DCT: variants seen among roughly 807,000 people sequenced by gnomAD.
The protein encoded by DCT is L-dopachrome tautomerase.
Under a neutral mutation model 53.0 loss-of-function variants are expected in DCT, and 47 were observed. The observed-to-expected ratio is 0.89, with a 90% CI of 0.70 to 1.13. DCT has a LOEUF of 1.13. DCT is among the 50% of genes most tolerant of loss of function. The pLI, the probability that DCT is intolerant of heterozygous loss-of-function variation, is 0.00. For missense variants in DCT, 669 were observed against 637.4 expected, an observed-to-expected ratio of 1.05 and a Z score of -0.53; for synonymous variants, 244 against 237.0, an observed-to-expected ratio of 1.03 and a Z score of -0.27.
chr13:94,493,022 C>G, the DCT span, among the ~76,000 whole-genome samples: 3 of 152,208 alleles, frequency 2.0e-5, no homozygotes, highest in Admixed American at 2.0e-4. Context: ...GCACCCAAGG[C>G]ATCCATTGTG....
At chr13:94,514,811 G>A in the DCT span, among the ~76,000 whole-genome samples, 4 of 152,212 alleles carry the variant, frequency 2.6e-5, no homozygotes, top group Admixed American at 2.0e-4. Flanking sequence ...GAGCTCGGCA[G>A]ATGTAGCATA....
chr13:94,455,301 G>A (rs2139309360), intron 6 of DCT, among the ~76,000 whole-genome samples: 1 of 152,144 alleles, frequency 6.6e-6, no homozygotes, highest in Non-Finnish European at 1.5e-5. Context: ...AGGATCACTT[G>A]AGCCCAGAAG....
At chr13:94,467,922 G>T (rs1346855510) in intron 2 of DCT, 1 of 152,008 alleles carries the variant, frequency 6.6e-6, no homozygotes, top group East Asian at 1.9e-4. Context: ...AAGCCCTCCT[G>T]GAATACATTG....
At chr13:94,518,108 GGGAAGGAAGGAA>G in the DCT span, among the ~76,000 whole-genome samples, 2,425 of 125,228 alleles carry the variant, frequency 0.019, 77 homozygotes, top group African/African-American at 0.067. Flanking sequence ...GGGAAACGAA[GGGAAGGAAGGAA>G]GGAAGGAAGG....
intron 6 of DCT, among the ~76,000 whole-genome samples, chr13:94,457,892 C>T (rs973132470): frequency 5.3e-5 from 8 of 152,158 alleles, no homozygotes; most frequent in African/African-American, 1.9e-4. Flanking sequence ...CAGCCCCTGA[C>T]ATTCAAGAGC....
intron 1 of DCT, 110 bp from the exon 2 acceptor site, chr13:94,469,155 A>C: frequency 2.2e-6 from 2 of 919,270 alleles, no homozygotes; most frequent in Admixed American, 2.3e-5. Context: ...AGGTGCTTAC[A>C]CAAAGGCAAA....
At chr13:94,461,667 A>G (rs993874895) in intron 5 of DCT, among the ~76,000 whole-genome samples, 4 of 152,226 alleles carry the variant, frequency 2.6e-5, no homozygotes, top group Non-Finnish European at 5.9e-5. Context: ...CATTTTAAAA[A>G]ATAAGAAAGG....
intron 6 of DCT, among the ~76,000 whole-genome samples, chr13:94,456,823 A>G (rs1325213176): frequency 2.0e-5 from 3 of 152,230 alleles, no homozygotes; most frequent in Non-Finnish European, 4.4e-5. Context: ...TGAAGCCTCC[A>G]AAAAGTCCAG....
At chr13:94,540,266 T>G in the DCT span, among the ~76,000 whole-genome samples, 1 of 152,238 alleles carries the variant, frequency 6.6e-6, no homozygotes, top group Non-Finnish European at 1.5e-5. Context: ...TGCTCTGCTC[T>G]GGGCACTAAG....
intron 7 of DCT, among the ~76,000 whole-genome samples, chr13:94,442,314 T>C (rs1217610166): frequency 6.6e-6 from 1 of 152,190 alleles, no homozygotes; most frequent in African/African-American, 2.4e-5. Context: ...TTTGTTTTTT[T>C]GGGTTTTTTT....
At chr13:94,442,164 G>A (rs2139272317) in intron 7 of DCT, among the ~76,000 whole-genome samples, 1 of 152,126 alleles carries the variant, frequency 6.6e-6, no homozygotes, top group African/African-American at 2.4e-5. Flanking sequence ...TCCCACTACA[G>A]CCAGGCTTGA....
chr13:94,480,705 C>G (rs1885405768), upstream of DCT, among the ~76,000 whole-genome samples: 1 of 152,188 alleles, frequency 6.6e-6, no homozygotes, highest in African/African-American at 2.4e-5. Flanking sequence ...CCTACTGAAT[C>G]AGAATCTCTG....
the DCT span, among the ~76,000 whole-genome samples, chr13:94,523,614 C>T: frequency 6.6e-6 from 1 of 152,322 alleles, no homozygotes; most frequent in South Asian, 2.1e-4. Flanking sequence ...GACCTGCTCA[C>T]TGTGGAACAG....
intron 6 of DCT, among the ~76,000 whole-genome samples, chr13:94,452,330 G>A (rs991052387): frequency 1.3e-5 from 2 of 152,146 alleles, no homozygotes; most frequent in Admixed American, 1.3e-4. Context: ...ACTGCATCTG[G>A]CCTAGACTTC....
chr13:94,485,136 G>C, the DCT span, among the ~76,000 whole-genome samples: 1 of 151,426 alleles, frequency 6.6e-6, no homozygotes, highest in Non-Finnish European at 1.5e-5. Context: ...GGGGGGCGGT[G>C]GGGGGGTGGC....
At chr13:94,480,224 C>G (rs959841019), upstream of DCT, among the ~76,000 whole-genome samples, 4 of 152,154 alleles carry the variant, frequency 2.6e-5, no homozygotes, top group Non-Finnish European at 4.4e-5. Flanking sequence ...CCACCAGAAA[C>G]TCACAATTGT....
In DCT at chr13:94,438,531, T is replaced by A. The variant is rs1882054615; in HGVS notation, c.*1367A>T. Reference sequence around the variant, plus strand: ...CCAGGGACCTCTTAACACCCATTCTTTACATTCATTCATTCCAGTAGAGAG... The same window carrying A: ...CCAGGGACCTCTTAACACCCATTCTATACATTCATTCATTCCAGTAGAGAG... On this transcript the variant is annotated 3_prime_UTR_variant, in exon 8 of 8. Transcript: ENST00000377028. 1 of 453,268 alleles carries A rather than the reference T, an allele frequency of 2.2e-6. No homozygotes were observed. Among genetic ancestry groups the A allele is most frequent in the African/African-American group, 2.0e-5 (1 of 49,872 alleles). 28.1% of individuals were successfully genotyped at this position (453,268 alleles called of 1,614,324 possible). A position where few individuals can be genotyped will look rare whatever the true frequency, so the allele number is the denominator to read the frequency against.
At chr13:94,468,355 T>C (rs562784734) in intron 2 of DCT, 2 of 199,672 alleles carry the variant, frequency 1.0e-5, no homozygotes, top group South Asian at 2.0e-4. Context: ...TAGCACATGT[T>C]CAGTTAATTC....
At chr13:94,493,365 CTT>C in the DCT span, among the ~76,000 whole-genome samples, 1 of 152,076 alleles carries the variant, frequency 6.6e-6, no homozygotes, top group Admixed American at 6.6e-5. Flanking sequence ...GCAAACTAAT[CTT>C]AAGTGACAGA....
Sources: gnomAD v4.1 joint callset for allele counts (sites outside exome capture counted in the v4.1 genomes callset) on GRCh38, gnomAD v4.1.1 for gene constraint, MANE v1.5 for transcripts, NCBI Gene and HGNC (gene_info 2026-07-23, HGNC 2026-07-21) for gene names.